The following CCDC178 variants were observed in gnomAD, a reference collection of about 807,000 sequenced individuals.
The protein encoded by CCDC178 is coiled-coil domain containing 178.
CCDC178 carries 126 observed loss-of-function variants against 117.4 expected under a neutral mutation model. That is an observed-to-expected ratio of 1.07 (90% CI 0.93 to 1.24). CCDC178 has a LOEUF of 1.24. Among genes scored for constraint, CCDC178 ranks in the 50% most tolerant of loss-of-function variants. CCDC178 has a pLI of 0.00. For synonymous variants in CCDC178, 283 were observed against 313.4 expected, an observed-to-expected ratio of 0.90 and a Z score of 1.02; for missense variants, 1,030 against 986.9, an observed-to-expected ratio of 1.04 and a Z score of -0.59.
At chr18:32,948,278 T>C (rs1368618937) in intron 22 of CCDC178, among the ~76,000 whole-genome samples, 1 of 152,118 alleles carries the variant, frequency 6.6e-6, no homozygotes, top group African/African-American at 2.4e-5. Context: ...AATCTTTAGA[T>C]CAATTTGGGT....
intron 3 of CCDC178, among the ~76,000 whole-genome samples, chr18:33,408,524 T>A (rs1332961322): frequency 6.6e-6 from 1 of 151,942 alleles, no homozygotes; most frequent in African/African-American, 2.4e-5. Context: ...AATATTTATA[T>A]GTAATATATA....
At position 33,336,322 on chromosome 18, in the gene CCDC178, C is replaced by T. The variant is rs540726645; in HGVS notation, c.659-2928G>A. Among the ~76,000 whole-genome samples the T allele has an allele frequency of 4.9e-4, 74 of 152,124 alleles. 1 individual carries two copies. The South Asian group carries it at 0.015, about 31-fold the overall frequency. Reference sequence around the variant, plus strand: ...TAAGCTTTATTTCCAGTATCCTGTACCCTACACATATATCAAAATGGCAAC... The same window carrying T: ...TAAGCTTTATTTCCAGTATCCTGTATCCTACACATATATCAAAATGGCAAC... On this transcript the variant is annotated intron_variant, in intron 9 of 22. Coordinates refer to ENST00000383096, the MANE Select transcript of CCDC178 (RefSeq NM_001105528.4).
intron 22 of CCDC178, among the ~76,000 whole-genome samples, chr18:32,952,591 C>A (rs1261815800): frequency 6.6e-6 from 1 of 152,184 alleles, no homozygotes; most frequent in African/African-American, 2.4e-5. Context: ...GCCTCCAGGC[C>A]TGTGACGGGA....
At chr18:33,381,770 T>C (rs1466248044) in intron 5 of CCDC178, among the ~76,000 whole-genome samples, 1 of 152,204 alleles carries the variant, frequency 6.6e-6, no homozygotes, top group Admixed American at 6.5e-5. Context: ...TACTTCCTTG[T>C]GTCATCTCCG....
intron 18 of CCDC178, among the ~76,000 whole-genome samples, chr18:33,221,226 A>G (rs271430): frequency 0.16 from 24,403 of 151,990 alleles, 2,729 homozygotes; most frequent in African/African-American, 0.32. Context: ...TGCAGAAGAC[A>G]ACAGCATTAA....
At chr18:33,347,621 T>A (rs1245356894) in intron 8 of CCDC178, among the ~76,000 whole-genome samples, 1 of 152,134 alleles carries the variant, frequency 6.6e-6, no homozygotes, top group Non-Finnish European at 1.5e-5. Context: ...TCAACACTTG[T>A]TCTCCAGCCA....
chr18:33,260,529 C>A (rs1160307507), intron 14 of CCDC178, among the ~76,000 whole-genome samples: 1 of 151,004 alleles, frequency 6.6e-6, no homozygotes, highest in Admixed American at 6.6e-5. Flanking sequence ...AATTTATCTT[C>A]TCAGATATAG....
intron 2 of CCDC178, among the ~76,000 whole-genome samples, chr18:33,419,733 C>T (rs980540074): frequency 2.0e-5 from 3 of 152,012 alleles, no homozygotes; most frequent in South Asian, 2.1e-4. Context: ...AACCACAATG[C>T]GATATCATCT....
intron 2 of CCDC178, among the ~76,000 whole-genome samples, chr18:33,414,753 G>A (rs2063909163): frequency 6.6e-6 from 1 of 152,198 alleles, no homozygotes. Context: ...TACCATCAGA[G>A]TGAACAGGCA....
chr18:33,251,268 G>A (rs960156354), intron 14 of CCDC178, among the ~76,000 whole-genome samples: 2 of 151,766 alleles, frequency 1.3e-5, no homozygotes, highest in East Asian at 3.9e-4. Context: ...GGATATACTC[G>A]TATTGTGTAC....
At chr18:33,425,761 T>C (rs912620402) in intron 2 of CCDC178, among the ~76,000 whole-genome samples, 11 of 152,112 alleles carry the variant, frequency 7.2e-5, no homozygotes, top group African/African-American at 2.4e-4. Context: ...CTCATGATGA[T>C]ACTGGGGCTG....
At chr18:33,092,664 A>G (rs2057484711) in intron 21 of CCDC178, 97 bp downstream of exon 21, 2 of 696,482 alleles carry the variant, frequency 2.9e-6, no homozygotes, top group Non-Finnish European at 2.4e-6. Flanking sequence ...TGTGGATATC[A>G]TCGTCAGATC....
chr18:33,393,241 T>C (rs2063585575), intron 4 of CCDC178, among the ~76,000 whole-genome samples: 1 of 152,190 alleles, frequency 6.6e-6, no homozygotes, highest in African/African-American at 2.4e-5. Flanking sequence ...ATATATTCTA[T>C]CTGTAACTGT....
chr18:32,976,345 T>G (rs1012565071), intron 21 of CCDC178, among the ~76,000 whole-genome samples: 1 of 152,130 alleles, frequency 6.6e-6, no homozygotes, highest in Non-Finnish European at 1.5e-5. Flanking sequence ...CACAACTACA[T>G]AAAGAGTCAT....
intron 21 of CCDC178, among the ~76,000 whole-genome samples, chr18:33,065,976 C>T (rs1196671721): frequency 6.6e-6 from 1 of 151,552 alleles, no homozygotes; most frequent in African/African-American, 2.4e-5. Flanking sequence ...ATTCTTCTGC[C>T]TCAGCCCCCC....
At chr18:33,076,056 C>T (rs968557398) in intron 21 of CCDC178, among the ~76,000 whole-genome samples, 1 of 152,202 alleles carries the variant, frequency 6.6e-6, no homozygotes, top group African/African-American at 2.4e-5. Context: ...CCTTTGTAGG[C>T]ACTGTATTTC....
At chr18:33,116,405 G>A (rs929093662) in intron 20 of CCDC178, among the ~76,000 whole-genome samples, 3 of 152,162 alleles carry the variant, frequency 2.0e-5, no homozygotes, top group Non-Finnish European at 4.4e-5. Context: ...GTCTTGCATT[G>A]CTGCATAACA....
At chr18:33,426,789 CTGTTT>C (rs1249609211) in intron 2 of CCDC178, among the ~76,000 whole-genome samples, 1 of 151,972 alleles carries the variant, frequency 6.6e-6, no homozygotes, top group Non-Finnish European at 1.5e-5. Context: ...AGGGCTTTGT[CTGTTT>C]TATTTTTTAT....
At chr18:33,307,501 A>G (rs149132655) in intron 11 of CCDC178, among the ~76,000 whole-genome samples, 83 of 152,342 alleles carry the variant, frequency 5.4e-4, no homozygotes, top group African/African-American at 1.9e-3. Context: ...GCAAAGCACA[A>G]AAGTTTAGAA....
Sources: gnomAD v4.1 joint callset for allele counts (sites outside exome capture counted in the v4.1 genomes callset) on GRCh38, gnomAD v4.1.1 for gene constraint, MANE v1.5 for transcripts, NCBI Gene and HGNC (gene_info 2026-07-23, HGNC 2026-07-21) for gene names.